FUT2: variants seen among roughly 807,000 people sequenced by gnomAD.
FUT2 encodes the protein galactoside alpha-(1,2)-fucosyltransferase 2.
For missense variants in FUT2, 419 were observed against 465.8 expected, an observed-to-expected ratio of 0.90 and a Z score of 0.93; for synonymous variants, 182 against 193.1, an observed-to-expected ratio of 0.94 and a Z score of 0.48.
intron 1 of FUT2, among the ~76,000 whole-genome samples, chr19:48,700,412 C>T (rs1056928039): frequency 4.0e-5 from 6 of 151,522 alleles, no homozygotes; most frequent in South Asian, 2.1e-4. Context: ...CCGCAAGTTG[C>T]GCCTCCCAGG....
chr19:48,700,328 AT>A (rs147094599), intron 1 of FUT2, among the ~76,000 whole-genome samples: 1,261 of 110,640 alleles, frequency 0.011, 21 homozygotes, highest in African/African-American at 0.044. Flanking sequence ...CATTTATTTT[AT>A]TTTATTTTTT....
At position 48,703,082 on chromosome 19, in the gene FUT2, G is replaced by T; in HGVS notation, c.126G>T (p.Pro42=). 1 of 1,613,270 alleles carries T rather than the reference G, an allele frequency of 6.2e-7. No homozygotes were observed. The highest frequency in any genetic ancestry group is 8.5e-7 in the Non-Finnish European group (1 of 1,180,032). ...AGATTCAAGCCATGTGGGAGTTACC[G>T]GTGCAGATACCAGTGCTAGCCTCAA... ...LAKIQAMWEL[P]VQIPVLASTS... The change falls in exon 2 of 2, where the codon CCG becomes CCT. Residue 42 remains proline (P), a synonymous_variant. Transcript: ENST00000425340.
At chr19:48,697,279 A>G (rs1601232716) in intron 1 of FUT2, among the ~76,000 whole-genome samples, 1 of 135,900 alleles carries the variant, frequency 7.4e-6, no homozygotes, top group South Asian at 2.5e-4. Context: ...CGGGAGGCGG[A>G]GGTTGTGGTG....
chr19:48,698,354 C>T (rs1267402990), intron 1 of FUT2, among the ~76,000 whole-genome samples: 1 of 152,026 alleles, frequency 6.6e-6, no homozygotes, highest in African/African-American at 2.4e-5. Context: ...CACTCAGCAG[C>T]CACCTTCCTC....
chr19:48,702,284 G>C (rs2032529935), intron 1 of FUT2, among the ~76,000 whole-genome samples: 1 of 152,012 alleles, frequency 6.6e-6, no homozygotes, highest in African/African-American at 2.4e-5. Context: ...ATGTGCACCT[G>C]TAGTCCCAAC....
intron 1 of FUT2, among the ~76,000 whole-genome samples, chr19:48,697,345 C>A (rs1239235211): frequency 1.0e-3 from 99 of 98,314 alleles, no homozygotes; most frequent in East Asian, 3.8e-3. Flanking sequence ...AACTCCGTCT[C>A]AAAAAAAAAA....
intron 1 of FUT2, among the ~76,000 whole-genome samples, chr19:48,701,998 G>A (rs918076611): frequency 1.6e-4 from 25 of 151,648 alleles, no homozygotes; most frequent in Non-Finnish European, 3.1e-4. Flanking sequence ...CAAAAAAAAA[G>A]AACATCTCTA....
chr19:48,699,726 G>A (rs541584502), intron 1 of FUT2, among the ~76,000 whole-genome samples: 1 of 152,204 alleles, frequency 6.6e-6, no homozygotes, highest in South Asian at 2.1e-4. Context: ...GCTCGTGACT[G>A]TGAGTCTGAA....
rs1568462400 is a variant in FUT2, at chr19:48,703,716, GAC to G, written c.763_764del (p.Thr255LeufsTer4). 1 of 1,613,654 alleles carries G rather than the reference GAC, an allele frequency of 6.2e-7. No homozygotes were observed. The part of the protein sequence containing the change: ...NGMAWCRENI[D>X]TSHGDVVFAG... ...CATGGCCTGGTGTCGGGAGAACATTGACACCTCCCACGGTGATGTGGTGTTTG... is the reference window on the plus strand; with the variant it reads ...CATGGCCTGGTGTCGGGAGAACATTGACCTCCCACGGTGATGTGGTGTTTG... On this transcript the variant is annotated frameshift_variant, in exon 2 of 2. Transcript: ENST00000425340. LOFTEE classifies it low-confidence loss of function (END_TRUNC).
At chr19:48,701,097 C>T (rs1416177927) in intron 1 of FUT2, among the ~76,000 whole-genome samples, 2 of 152,044 alleles carry the variant, frequency 1.3e-5, no homozygotes, top group Non-Finnish European at 2.9e-5. Flanking sequence ...ACTCATCAAA[C>T]CAGGTGTCCT....
Position 48,703,944 on chromosome 19 carries a change from T to C in FUT2, c.988T>C (p.Trp330Arg). Reference protein sequence around the residue: ...FKPEAAFLPEWTGIAADLSPL... With the variant: ...FKPEAAFLPERTGIAADLSPL... ...GCCAGAGGCAGCCTTCCTGCCGGAG[T>C]GGACAGGGATTGCCGCAGACCTGTC... Residue 330 changes from tryptophan to arginine, a missense_variant, in exon 2 of 2, where the codon TGG (tryptophan) becomes CGG (arginine). Coordinates refer to ENST00000425340, the MANE Select transcript of FUT2 (RefSeq NM_000511.6). The C allele has an allele frequency of 1.9e-6, 3 of 1,613,356 alleles. No individual in the cohort carries two copies. Among genetic ancestry groups the C allele is most frequent in the Non-Finnish European group, 2.5e-6 (3 of 1,179,966 alleles).
At position 48,702,902 on chromosome 19, in the gene FUT2, C is replaced by T. The variant is rs191543388; in HGVS notation, c.-2-53C>T. 1.6e-3 allele frequency: 2,484 copies of T among 1,569,084 alleles called. 31 individuals are homozygous for T. Among genetic ancestry groups the T allele is most frequent in the Middle Eastern group, 2.0e-3 (12 of 5,968 alleles). ...ACCACCGCATGGCCACGTTCACCAG[C>T]GCCCCGGGCCTCCATCTCCCAGCTA... is the stretch of plus-strand genomic sequence containing the variant. On this transcript the variant is annotated intron_variant, in intron 1 of 1. Coordinates refer to ENST00000425340, the MANE Select transcript of FUT2 (RefSeq NM_000511.6).
chr19:48,697,439 GAAC>G (rs2032435517), intron 1 of FUT2, among the ~76,000 whole-genome samples: 2 of 151,690 alleles, frequency 1.3e-5, no homozygotes, highest in South Asian at 2.1e-4. Flanking sequence ...TGAGGAAGGA[GAAC>G]AGAGGACCTC....
chr19:48,704,795 G>T lies in FUT2; in HGVS notation c.*807G>T. On this transcript the variant is annotated 3_prime_UTR_variant, in exon 2 of 2. Transcript: ENST00000425340. ...GAATTGTCACATACCCATGTGACCC[G>T]ATAGGAGGCAAAAGAAATGAGACTT... 2.4e-6 allele frequency: 1 copy of T among 413,256 alleles called. No homozygotes were observed. 25.6% of individuals were successfully genotyped at this position (413,256 alleles called of 1,614,324 possible). A position where few individuals can be genotyped will look rare whatever the true frequency, so the allele number is the denominator to read the frequency against.
intron 1 of FUT2, among the ~76,000 whole-genome samples, chr19:48,701,947 C>T (rs559978783): frequency 6.6e-6 from 1 of 151,870 alleles, no homozygotes; most frequent in African/African-American, 2.4e-5. Context: ...GAGCAGAGAT[C>T]GTGCCATTGC....
In FUT2 at chr19:48,703,241, C is replaced by G; in HGVS notation, c.285C>G (p.Ile95Met). ...AGATGAACGGGCGGCCCGCCTTCAT[C>G]CCGGCCCAGATGCACAGCACCCTGG... ...LAKMNGRPAF[I>M]PAQMHSTLAP... The change falls in exon 2 of 2, where the codon ATC becomes ATG. Residue 95 changes from isoleucine to methionine, a missense_variant. Physicochemically the swap from Ile to Met is conservative, Grantham distance 10. Coordinates refer to ENST00000425340, the MANE Select transcript of FUT2 (RefSeq NM_000511.6). 9.3e-6 allele frequency: 15 copies of G among 1,613,126 alleles called. No homozygotes were observed. Among genetic ancestry groups the G allele is most frequent in the Non-Finnish European group, 1.3e-5 (15 of 1,180,014 alleles).
Position 48,703,700 on chromosome 19 carries a change from G to A in FUT2, c.744G>A (p.Trp248Ter). ...TGGTCACCAGTAATGGCATGGCCTG[G>A]TGTCGGGAGAACATTGACACCTCCC... ...IFVVTSNGMA[W>*]CRENIDTSHG... The change falls in exon 2 of 2, where the codon TGG (tryptophan) becomes TGA (stop). Residue 248 changes from tryptophan to a stop codon, truncating the protein, a stop_gained. Coordinates refer to ENST00000425340, the MANE Select transcript of FUT2 (RefSeq NM_000511.6). LOFTEE classifies it low-confidence loss of function (END_TRUNC). 1.2e-6 allele frequency: 2 copies of A among 1,613,690 alleles called. No individual in the cohort carries two copies. The highest frequency in any genetic ancestry group is 8.5e-7 in the Non-Finnish European group (1 of 1,180,028).
intron 1 of FUT2, among the ~76,000 whole-genome samples, chr19:48,697,535 A>G (rs1257122483): frequency 6.6e-6 from 1 of 151,896 alleles, no homozygotes; most frequent in East Asian, 1.9e-4. Context: ...CAATTCAAAA[A>G]AAATAATGCC....
At chr19:48,696,380 T>C in intron 1 of FUT2, 1 of 152,632 alleles carries the variant, frequency 6.6e-6, no homozygotes, top group Non-Finnish European at 1.5e-5. Flanking sequence ...GGCCACCAGG[T>C]CCTTCCTTGT....
Sources: allele counts gnomAD v4.1 joint callset (sites outside exome capture counted in the v4.1 genomes callset), GRCh38; gene constraint gnomAD v4.1.1; transcripts MANE v1.5; gene names NCBI Gene and HGNC (gene_info 2026-07-23, HGNC 2026-07-21).